Variants in PRR5L observed in about 807,000 individuals in gnomAD.
The protein encoded by PRR5L is proline rich 5 like.
PRR5L carries 21 observed loss-of-function variants against 36.4 expected under a neutral mutation model. The ratio of observed to expected loss-of-function variants is 0.58; its 90% confidence interval spans 0.41 to 0.83. PRR5L has a LOEUF of 0.83. PRR5L is among the 40% of genes least tolerant of loss of function. The pLI is 0.00. For synonymous variants in PRR5L, 188 were observed against 197.0 expected (o/e 0.95, Z 0.38); for missense variants, 381 against 473.3 (o/e 0.80, Z 1.81).
intron 3 of PRR5L, among the ~76,000 whole-genome samples, chr11:36,412,721 G>A (rs34941068): frequency 0.13 from 19,607 of 152,134 alleles, 1,363 homozygotes; most frequent in African/African-American, 0.17. Flanking sequence ...TGGCCTAGGT[G>A]TCTAATGCCT....
intron 1 of PRR5L, among the ~76,000 whole-genome samples, chr11:36,400,117 G>T (rs1463623272): frequency 2.0e-5 from 3 of 152,210 alleles, no homozygotes; most frequent in African/African-American, 7.2e-5. Context: ...GGGCGAGTTG[G>T]GTTTAAATAA....
chr11:36,454,615 CA>C (rs1367132993), intron 8 of PRR5L: 6 of 152,224 alleles, frequency 3.9e-5, no homozygotes, highest in Admixed American at 3.9e-4. Flanking sequence ...GATTACTGAC[CA>C]GGGTTTTGGC....
chr11:36,432,153 GT>G (rs201741066), intron 5 of PRR5L, among the ~76,000 whole-genome samples: 2 of 7,800 alleles, frequency 2.6e-4, no homozygotes, highest in African/African-American at 3.7e-4. Flanking sequence ...CTTGTTCAGG[GT>G]TTTTTTTTGT....
At chr11:36,417,945 G>A (rs184194100) in intron 3 of PRR5L, among the ~76,000 whole-genome samples, 3 of 152,280 alleles carry the variant, frequency 2.0e-5, no homozygotes, top group African/African-American at 7.2e-5. Flanking sequence ...CTTGCTTTTT[G>A]TTCCCTTACC....
intron 5 of PRR5L, among the ~76,000 whole-genome samples, chr11:36,433,829 C>A (rs191128517): frequency 6.6e-6 from 1 of 152,310 alleles, no homozygotes; most frequent in East Asian, 1.9e-4. Flanking sequence ...AGGCATGAGC[C>A]ACTGTGCCCA....
chr11:36,389,517 C>A (rs1002910267), intron 1 of PRR5L, among the ~76,000 whole-genome samples: 1 of 151,994 alleles, frequency 6.6e-6, no homozygotes, highest in Non-Finnish European at 1.5e-5. Flanking sequence ...GAGGAACATA[C>A]GCAGGTCATC....
intron 1 of PRR5L, among the ~76,000 whole-genome samples, chr11:36,370,175 T>A (rs565718193): frequency 2.0e-5 from 3 of 152,300 alleles, no homozygotes; most frequent in Admixed American, 1.3e-4. Context: ...GCTTGCTTTC[T>A]CCTTCTAACT....
intron 1 of PRR5L, among the ~76,000 whole-genome samples, chr11:36,306,729 G>C (rs992875002): frequency 6.6e-6 from 1 of 151,962 alleles, no homozygotes; most frequent in Non-Finnish European, 1.5e-5. Flanking sequence ...GTTTTTTCCT[G>C]TTTCCTTTTC....
intron 1 of PRR5L, among the ~76,000 whole-genome samples, chr11:36,358,960 T>C (rs73443184): frequency 0.019 from 2,898 of 152,334 alleles, 91 homozygotes; most frequent in African/African-American, 0.066. Context: ...CAATCCCTGA[T>C]ACATCAGTGC....
chr11:36,379,153 C>T (rs992130522), intron 1 of PRR5L, among the ~76,000 whole-genome samples: 1 of 152,214 alleles, frequency 6.6e-6, no homozygotes. Flanking sequence ...TCATAATCCT[C>T]ACTTTGCTCC....
At position 36,413,093 on chromosome 11, in the gene PRR5L, A is replaced by C. The variant is rs989160212; in HGVS notation, c.246-6162A>C. 1.9e-4 allele frequency among the ~76,000 whole-genome samples: 29 copies of C among 152,104 alleles called. 1 individual carries two copies. The highest frequency in any genetic ancestry group is 1.3e-4 in the Admixed American group (2 of 15,276). On this transcript the variant is annotated intron_variant, in intron 3 of 8. Transcript: ENST00000530639. ...AAGAATAGAGGTTTTTTTCAGAAGCATTCTTTCCTTATAAACCAATGCAAG... is the reference window on the plus strand; with the variant it reads ...AAGAATAGAGGTTTTTTTCAGAAGCCTTCTTTCCTTATAAACCAATGCAAG...
At chr11:36,407,073 A>G (rs1195631885) in intron 3 of PRR5L, among the ~76,000 whole-genome samples, 1 of 152,238 alleles carries the variant, frequency 6.6e-6, no homozygotes, top group Non-Finnish European at 1.5e-5. Context: ...TTTAATAAAT[A>G]TTAGCCATAT....
intron 3 of PRR5L, among the ~76,000 whole-genome samples, chr11:36,417,018 C>T (rs1383126201): frequency 2.0e-5 from 3 of 152,140 alleles, no homozygotes; most frequent in African/African-American, 7.2e-5. Context: ...TTTTGAAGTC[C>T]CCCTTAACCC....
chr11:36,333,302 C>T (rs776220914), intron 1 of PRR5L, among the ~76,000 whole-genome samples: 1 of 152,194 alleles, frequency 6.6e-6, no homozygotes, highest in Non-Finnish European at 1.5e-5. Flanking sequence ...GAAAATGACA[C>T]ACTTACTTTG....
chr11:36,424,632 A>G (rs1263463617), intron 4 of PRR5L, among the ~76,000 whole-genome samples: 2 of 152,246 alleles, frequency 1.3e-5, no homozygotes, highest in African/African-American at 2.4e-5. Context: ...TTGAAGAGCT[A>G]TAAGGAGAAC....
chr11:36,400,209 A>G (rs10836549), intron 1 of PRR5L, among the ~76,000 whole-genome samples: 15,686 of 152,234 alleles, frequency 0.1, 1,224 homozygotes, highest in African/African-American at 0.22. Flanking sequence ...TGTGCATGAC[A>G]TAGAAGAGTG....
chr11:36,420,501 C>T (rs980841576), intron 4 of PRR5L, among the ~76,000 whole-genome samples: 6 of 152,048 alleles, frequency 3.9e-5, no homozygotes, highest in Non-Finnish European at 7.4e-5. Context: ...ATAGGGTTGT[C>T]GTGAAGACTA....
intron 1 of PRR5L, among the ~76,000 whole-genome samples, chr11:36,383,328 T>G (rs1420542953): frequency 1.3e-5 from 2 of 152,198 alleles, no homozygotes; most frequent in Non-Finnish European, 2.9e-5. Context: ...TCACAATATC[T>G]CTTTTCTTTG....
intron 6 of PRR5L, among the ~76,000 whole-genome samples, chr11:36,445,924 G>C (rs1354269513): frequency 2.0e-5 from 3 of 152,156 alleles, no homozygotes; most frequent in Non-Finnish European, 4.4e-5. Flanking sequence ...TAGATGTTCA[G>C]ATATATTATA....
Sources: gnomAD v4.1 joint callset for allele counts (sites outside exome capture counted in the v4.1 genomes callset) on GRCh38, gnomAD v4.1.1 for gene constraint, MANE v1.5 for transcripts, NCBI Gene and HGNC (gene_info 2026-07-23, HGNC 2026-07-21) for gene names.